NCF4: variants seen among roughly 807,000 people sequenced by gnomAD.
NCF4 encodes the protein neutrophil cytosolic factor 4.
A neutral mutation model predicts 41.7 loss-of-function variants in NCF4; 30 were observed. That is an observed-to-expected ratio of 0.72 (90% confidence interval 0.54 to 0.97). The LOEUF (loss-of-function observed/expected upper bound fraction) is 0.97, where lower values mean the gene tolerates loss of function less well. NCF4 is among the 50% of genes least tolerant of loss of function. NCF4 has a pLI of 0.00. For missense variants in NCF4, 432 were observed against 460.9 expected (o/e 0.94, Z 0.57); for synonymous variants, 195 against 175.8 (o/e 1.11, Z -0.87).
At chr22:36,872,150 C>T in intron 6 of NCF4, 177 bp from the exon 7 acceptor site, 2 of 719,916 alleles carry the variant, frequency 2.8e-6, no homozygotes, top group Non-Finnish European at 5.1e-6. Flanking sequence ...TCAGGGAGAC[C>T]TGGGTTCAAT....
chr22:36,877,889 G>A lies in NCF4; in HGVS notation c.*66G>A. ...AACCTTCAGCTCTCAGAGGAGATTGGGACCAGGAAAACCTGGGAGGATGGG... is the reference window on the plus strand; with the variant it reads ...AACCTTCAGCTCTCAGAGGAGATTGAGACCAGGAAAACCTGGGAGGATGGG... On this transcript the variant is annotated 3_prime_UTR_variant, in exon 10 of 10. Transcript: ENST00000248899. 1.3e-6 allele frequency: 2 copies of A among 1,505,770 alleles called. No homozygotes were observed. Among genetic ancestry groups the A allele is most frequent in the South Asian group, 2.4e-5 (2 of 83,604 alleles). The allele number at this position is 1,505,770 out of a possible 1,614,324, so 93.3% of individuals were successfully genotyped here.
At chr22:36,870,170 A>G in intron 4 of NCF4, 4 of 570,462 alleles carry the variant, frequency 7.0e-6, no homozygotes, top group Admixed American at 3.0e-5. Context: ...GTCTTTTCCA[A>G]ATGGACTCTT....
intron 5 of NCF4, among the ~76,000 whole-genome samples, chr22:36,871,039 C>T (rs1401040719): frequency 6.6e-6 from 1 of 152,236 alleles, no homozygotes; most frequent in African/African-American, 2.4e-5. Flanking sequence ...ATTCAAGCCA[C>T]TCGTAGACTG....
chr22:36,877,476 T>G, intron 9 of NCF4, 152 bp from the exon 10 acceptor site: 1 of 793,132 alleles, frequency 1.3e-6, no homozygotes, highest in Non-Finnish European at 2.1e-6. Context: ...ATCTGTACAA[T>G]GGGAGGTTAG....
chr22:36,873,092 T>TTGGAGGTGAGGATGGAGGTGAGCG (rs1569115388), intron 7 of NCF4, among the ~76,000 whole-genome samples: 3 of 114,776 alleles, frequency 2.6e-5, no homozygotes, highest in Admixed American at 2.6e-4. Flanking sequence ...GGAGGTGAGA[T>TTGGAGGTGAGGATGGAGGTGAGCG]TGGAGGTGAG....
rs1940028917 is a variant in NCF4, at chr22:36,870,496, C to G, written c.424C>G (p.Gln142Glu). The G allele has an allele frequency of 1.9e-6, 3 of 1,613,628 alleles. No individual in the cohort carries two copies. Among genetic ancestry groups the G allele is most frequent in the Non-Finnish European group, 2.5e-6 (3 of 1,180,024 alleles). ...FFYQSPYDSE[Q>E]VPQALRRLRP... Reference sequence around the variant, plus strand: ...TTACCAGTCGCCCTATGACTCAGAGCAGGTGCCCCAGGCACTCCGCCGGCT... The same window carrying G: ...TTACCAGTCGCCCTATGACTCAGAGGAGGTGCCCCAGGCACTCCGCCGGCT... Residue 142 changes from glutamine to glutamate, a missense_variant, in exon 5 of 10, where the codon CAG (glutamine) becomes GAG (glutamate). By Grantham distance (29) the Gln-to-Glu change is conservative. Transcript: ENST00000248899.
chr22:36,868,456 G>C (rs958032796), intron 4 of NCF4, among the ~76,000 whole-genome samples: 2 of 152,212 alleles, frequency 1.3e-5, no homozygotes, highest in African/African-American at 4.8e-5. Flanking sequence ...CAGAATGTGA[G>C]AGATCTTGAC....
At chr22:36,868,441 G>A (rs1196579650) in intron 4 of NCF4, among the ~76,000 whole-genome samples, 2 of 152,246 alleles carry the variant, frequency 1.3e-5, no homozygotes, top group Non-Finnish European at 2.9e-5. Context: ...CTGTGAACCT[G>A]CTTCCAGAAT....
intron 1 of NCF4, among the ~76,000 whole-genome samples, chr22:36,862,917 GGC>G (rs1939812189): frequency 6.6e-6 from 1 of 152,088 alleles, no homozygotes; most frequent in African/African-American, 2.4e-5. Flanking sequence ...TTCCAACCTC[GGC>G]CTCCCCCAGG....
intron 7 of NCF4, among the ~76,000 whole-genome samples, chr22:36,873,425 T>G (rs1940127856): frequency 6.6e-6 from 1 of 151,148 alleles, no homozygotes; most frequent in African/African-American, 2.4e-5. Context: ...GAGGTGAGGC[T>G]GGAGGTGAGG....
intron 5 of NCF4, among the ~76,000 whole-genome samples, chr22:36,871,411 C>T (rs34129618): frequency 6.6e-6 from 1 of 152,238 alleles, no homozygotes; most frequent in African/African-American, 2.4e-5. Flanking sequence ...CCCTTCCCCA[C>T]CTGCTTTCTG....
chr22:36,875,915 C>G (rs1485732695), intron 8 of NCF4, 114 bp from the exon 9 acceptor site: 1 of 1,614,092 alleles, frequency 6.2e-7, no homozygotes, highest in Non-Finnish European at 8.5e-7. Context: ...AGCCACAATG[C>G]TGTAACAAGC....
intron 3 of NCF4, among the ~76,000 whole-genome samples, chr22:36,867,156 C>T (rs1939947645): frequency 6.9e-6 from 1 of 145,240 alleles, no homozygotes; most frequent in Non-Finnish European, 1.5e-5. Flanking sequence ...CTTGGATGAA[C>T]AGGCAGTAAA....
chr22:36,863,006 C>T (rs923480243), intron 1 of NCF4, among the ~76,000 whole-genome samples: 10 of 152,170 alleles, frequency 6.6e-5, no homozygotes, highest in Non-Finnish European at 1.0e-4. Context: ...CAGAACATCC[C>T]GGCCCAGTAG....
At chr22:36,871,797 G>A (rs1347806950) in intron 6 of NCF4, 88 bp downstream of exon 6, 1 of 1,394,778 alleles carries the variant, frequency 7.2e-7, no homozygotes, top group African/African-American at 1.4e-5. Context: ...CTCCTGCTGG[G>A]TGCTGCTGTG....
intron 3 of NCF4, among the ~76,000 whole-genome samples, chr22:36,867,174 G>C (rs1386923367): frequency 6.7e-6 from 1 of 148,898 alleles, no homozygotes; most frequent in Non-Finnish European, 1.5e-5. Flanking sequence ...AAATAAAAAA[G>C]TAAGACAAGA....
chr22:36,861,460 C>T (rs770474172), intron 1 of NCF4, among the ~76,000 whole-genome samples: 3 of 152,184 alleles, frequency 2.0e-5, no homozygotes, highest in Non-Finnish European at 4.4e-5. Context: ...AACGAGTGAC[C>T]GGCAGTGTCT....
In NCF4 at chr22:36,870,846, T is replaced by C. The variant is rs140694415; in HGVS notation, c.470+304T>C. ...AGAAGCTCTGGGTGCCTGGAAAGAA[T>C]TGGGGGCAGAGAGGAGGGAAAAGCT... On this transcript the variant is annotated intron_variant, in intron 5 of 9. Coordinates refer to ENST00000248899, the MANE Select transcript of NCF4 (RefSeq NM_000631.5). 8.3e-3 allele frequency among the ~76,000 whole-genome samples: 1,261 copies of C among 152,086 alleles called. 23 individuals are homozygous for C. Among genetic ancestry groups the C allele is most frequent in the African/African-American group, 0.029 (1,211 of 41,484 alleles).
chr22:36,864,188 C>A, intron 2 of NCF4, 59 bp downstream of exon 2: 3 of 1,335,792 alleles, frequency 2.2e-6, no homozygotes, highest in Non-Finnish European at 1.0e-6. Flanking sequence ...CAGCTGACCT[C>A]TGAACCTTGC....
Sources: allele counts gnomAD v4.1 joint callset (sites outside exome capture counted in the v4.1 genomes callset), GRCh38; gene constraint gnomAD v4.1.1; transcripts MANE v1.5; gene names NCBI Gene and HGNC (gene_info 2026-07-23, HGNC 2026-07-21).